KHDRBS3: variants seen among roughly 807,000 people sequenced by gnomAD.
KHDRBS3 encodes the protein KH RNA binding domain containing, signal transduction associated 3, also known as KH domain-containing, RNA-binding, signal transduction-associated protein 3.
Under a neutral mutation model 45.6 loss-of-function variants are expected in KHDRBS3, and 23 were observed. The observed-to-expected ratio is 0.50, with a 90% CI of 0.36 to 0.72. The LOEUF is 0.72. KHDRBS3 is among the 30% of genes least tolerant of loss of function. KHDRBS3 has a pLI of 0.00. For missense variants in KHDRBS3, 352 were observed against 424.8 expected, an observed-to-expected ratio of 0.83 and a Z score of 1.51; for synonymous variants, 162 against 156.5, an observed-to-expected ratio of 1.04 and a Z score of -0.26.
intron 1 of KHDRBS3, among the ~76,000 whole-genome samples, chr8:135,495,671 T>C (rs1359563089): frequency 6.6e-6 from 1 of 152,208 alleles, no homozygotes; most frequent in African/African-American, 2.4e-5. Flanking sequence ...ACAAGTTTGT[T>C]GAAGCTACCA....
chr8:135,518,274 T>C (rs1814807), intron 1 of KHDRBS3, among the ~76,000 whole-genome samples: 121,765 of 151,988 alleles, frequency 0.8, 49,300 homozygotes, highest in East Asian at 0.96. Context: ...CCCGTGTTCA[T>C]GCCATTCTCC....
At chr8:135,542,468 T>A in intron 2 of KHDRBS3, 186 bp from the exon 3 acceptor site, 1 of 501,386 alleles carries the variant, frequency 2.0e-6, no homozygotes, top group South Asian at 3.5e-5. Context: ...CAGGGTTTTT[T>A]ATTTTACGTT....
chr8:135,511,426 T>C (rs1420721796), intron 1 of KHDRBS3, among the ~76,000 whole-genome samples: 1 of 152,220 alleles, frequency 6.6e-6, no homozygotes. Context: ...TTTCTTTTCC[T>C]CCTGTCTTCC....
At chr8:135,537,171 A>G (rs1255882273) in intron 2 of KHDRBS3, among the ~76,000 whole-genome samples, 1 of 152,096 alleles carries the variant, frequency 6.6e-6, no homozygotes, top group Non-Finnish European at 1.5e-5. Context: ...AGACAGTGGC[A>G]CCATTTGCTG....
Position 135,489,532 on chromosome 8 carries a change from G to T in KHDRBS3, c.88+31578G>T, listed in dbSNP as rs80138125. ...GTCTCTACTAAAAATACAAAAATTA[G>T]CTGGAAGTGGTGGCACACAGCTGTA... On this transcript the variant is annotated intron_variant, in intron 1 of 8. Transcript: ENST00000355849. 9.2e-5 allele frequency among the ~76,000 whole-genome samples: 14 copies of T among 152,114 alleles called. No homozygotes were observed. The East Asian group carries it at 2.7e-3, about 29-fold the overall frequency.
intron 1 of KHDRBS3, among the ~76,000 whole-genome samples, chr8:135,470,155 G>A (rs1478492578): frequency 5.3e-5 from 8 of 152,150 alleles, no homozygotes; most frequent in Non-Finnish European, 1.0e-4. Context: ...CAAAGGAGTG[G>A]TTTAACGTTC....
At chr8:135,623,708 G>A (rs1193044731) in intron 7 of KHDRBS3, among the ~76,000 whole-genome samples, 2 of 152,102 alleles carry the variant, frequency 1.3e-5, no homozygotes, top group Non-Finnish European at 2.9e-5. Flanking sequence ...CTAAAAGGCC[G>A]CAAAAGAGAA....
intron 8 of KHDRBS3, among the ~76,000 whole-genome samples, chr8:135,646,019 T>TG (rs1831272097): frequency 7.9e-6 from 1 of 125,802 alleles, no homozygotes; most frequent in African/African-American, 3.1e-5. Flanking sequence ...TTTTTTTTTT[T>TG]TTTGTTATCC....
At position 135,507,819 on chromosome 8, in the gene KHDRBS3, G is replaced by A. The variant is rs1475420058; in HGVS notation, c.89-13418G>A. Among the ~76,000 whole-genome samples, 3 of 152,266 alleles carry A rather than the reference G, an allele frequency of 2.0e-5. No homozygotes were observed. The East Asian group carries it at 5.8e-4, about 29-fold the overall frequency. On this transcript the variant is annotated intron_variant, in intron 1 of 8. Transcript: ENST00000355849. ...GCTGAGATATTTCATTTCCACAGAG[G>A]CTGTGACTATTAAAGTCTGTGCAAA...
In KHDRBS3 at chr8:135,581,971, G is replaced by C. The variant is rs1828234375; in HGVS notation, c.705G>C (p.Val235=). The change falls in exon 6 of 9, where the codon GTG becomes GTC. Residue 235 remains valine (V), a synonymous_variant. Transcript: ENST00000355849. Reference sequence around the variant, plus strand: ...GAGTCCTGTCCACCCGAGGGCCAGTGAGTCGGGGAAGAGGACTTCTCACTC... The same window carrying C: ...GAGTCCTGTCCACCCGAGGGCCAGTCAGTCGGGGAAGAGGACTTCTCACTC... ...PRGVLSTRGP[V]SRGRGLLTPR... 3 of 1,613,508 alleles carry C rather than the reference G, an allele frequency of 1.9e-6. No individual in the cohort carries two copies. The African/African-American group carries it at 4.0e-5, about 22-fold the overall frequency.
At chr8:135,479,576 C>T (rs894281645) in intron 1 of KHDRBS3, among the ~76,000 whole-genome samples, 2 of 152,152 alleles carry the variant, frequency 1.3e-5, no homozygotes, top group African/African-American at 4.8e-5. Flanking sequence ...AGTGCCTGTT[C>T]CTCATGAATG....
intron 1 of KHDRBS3, among the ~76,000 whole-genome samples, chr8:135,494,647 C>T (rs1205143193): frequency 9.9e-6 from 1 of 101,220 alleles, no homozygotes; most frequent in East Asian, 5.0e-4. Context: ...TTGAACTGAA[C>T]CATTTGTATC....
At chr8:135,625,119 G>A in intron 7 of KHDRBS3, 6 of 916,820 alleles carry the variant, frequency 6.5e-6, no homozygotes, top group South Asian at 1.5e-5. Context: ...ATAAAAGGGA[G>A]TATTTTACAG....
chr8:135,536,471 T>C (rs959895194), intron 2 of KHDRBS3, among the ~76,000 whole-genome samples: 5 of 152,006 alleles, frequency 3.3e-5, no homozygotes, highest in Non-Finnish European at 7.4e-5. Flanking sequence ...ACACTAGCAC[T>C]CAGGTTCGCA....
chr8:135,644,985 C>A, intron 7 of KHDRBS3, 74 bp from the exon 8 acceptor site: 1 of 1,485,914 alleles, frequency 6.7e-7, no homozygotes, highest in Non-Finnish European at 9.3e-7. Context: ...TTAAGTTTTA[C>A]AATACGTTAT....
chr8:135,516,976 T>C (rs1223216426), intron 1 of KHDRBS3, among the ~76,000 whole-genome samples: 2 of 152,188 alleles, frequency 1.3e-5, no homozygotes, highest in Non-Finnish European at 2.9e-5. Context: ...TATTTAGCTA[T>C]TTTTAGAATA....
At chr8:135,516,179 A>G (rs1414338891) in intron 1 of KHDRBS3, among the ~76,000 whole-genome samples, 4 of 152,244 alleles carry the variant, frequency 2.6e-5, no homozygotes, top group Non-Finnish European at 5.9e-5. Flanking sequence ...TAGAAAAAGC[A>G]CAATAAAAAT....
At chr8:135,635,741 A>C (rs1830784894) in intron 7 of KHDRBS3, among the ~76,000 whole-genome samples, 1 of 152,190 alleles carries the variant, frequency 6.6e-6, no homozygotes, top group South Asian at 2.1e-4. Flanking sequence ...CCATACCAGT[A>C]ACCTTTTCAT....
At chr8:135,481,427 C>T (rs1822572835) in intron 1 of KHDRBS3, among the ~76,000 whole-genome samples, 1 of 144,430 alleles carries the variant, frequency 6.9e-6, no homozygotes, top group African/African-American at 2.4e-5. Context: ...TCTCTTAGAG[C>T]ACGCTGCATA....
Sources: allele counts gnomAD v4.1 joint callset (sites outside exome capture counted in the v4.1 genomes callset), GRCh38; gene constraint gnomAD v4.1.1; transcripts MANE v1.5; gene names NCBI Gene and HGNC (gene_info 2026-07-23, HGNC 2026-07-21).